The following PCNX3 variants were observed in gnomAD, a reference collection of about 807,000 sequenced individuals.
PCNX3 encodes the protein pecanex-like protein 3.
PCNX3 carries 58 observed loss-of-function variants against 207.2 expected under a neutral mutation model. That is an observed-to-expected ratio of 0.28 (90% CI 0.23 to 0.35). The LOEUF (loss-of-function observed/expected upper bound fraction) is 0.35. PCNX3 is among the 10% of genes least tolerant of loss of function. The pLI is 1.00. For missense variants in PCNX3, 2,410 were observed against 2,774.4 expected, an observed-to-expected ratio of 0.87 and a Z score of 2.95; for synonymous variants, 1,337 against 1,183.5, an observed-to-expected ratio of 1.13 and a Z score of -2.66.
rs376470898 is a variant in PCNX3, at chr11:65,618,910, C to A, written c.1548C>A (p.Pro516=). Residue 516 remains proline (P), a synonymous_variant, in exon 6 of 35, where the codon CCC becomes CCA. Coordinates refer to ENST00000355703, the MANE Select transcript of PCNX3 (RefSeq NM_032223.4). ...MDGAGGDVLR[P]PLAGCKAELE... Reference sequence around the variant, plus strand: ...GGGCTGGGGGTGATGTTCTGAGGCCCCCACTGGCTGGCTGCAAGGCAGAGC... The same window carrying A: ...GGGCTGGGGGTGATGTTCTGAGGCCACCACTGGCTGGCTGCAAGGCAGAGC... 3 of 1,608,848 alleles carry A rather than the reference C, an allele frequency of 1.9e-6. No individual in the cohort carries two copies. The South Asian group carries it at 3.3e-5, about 18-fold the overall frequency.
At position 65,635,858 on chromosome 11, in the gene PCNX3, C is replaced by T. The variant is rs1565174036; in HGVS notation, c.5459+55C>T. On this transcript the variant is annotated intron_variant, in intron 32 of 34. Coordinates refer to ENST00000355703, the MANE Select transcript of PCNX3 (RefSeq NM_032223.4). The surrounding 1 kb of genome is among the most constrained non-coding windows in gnomAD (Gnocchi z 9.9). ...CGCGGGAGGAAGCTGAGGTGCAGTA[C>T]GTCCCTCCTGGGTCTCAGAGGGAGG... 2.9e-5 allele frequency: 44 copies of T among 1,543,178 alleles called. No homozygotes were observed. The South Asian group carries it at 3.1e-4, about 11-fold the overall frequency.
Position 65,616,166 on chromosome 11 carries a change from G to A in PCNX3, c.-146G>A. ...CGCCCCCTGCTCGCACCCTCGCGCG[G>A]CCGAGCCCCCCTCCCCCGCTGGGGG... On this transcript the variant is annotated 5_prime_UTR_variant, in exon 1 of 35. Transcript: ENST00000355703. The A allele has an allele frequency of 1.8e-6, 1 of 544,128 alleles. No homozygotes were observed. Among genetic ancestry groups the A allele is most frequent in the Non-Finnish European group, 2.8e-6 (1 of 355,216 alleles). 33.7% of individuals were successfully genotyped at this position (544,128 alleles called of 1,614,324 possible).
In PCNX3 at chr11:65,636,272, C is replaced by T. The variant is rs1259751348; in HGVS notation, c.5558C>T (p.Pro1853Leu). Residue 1853 changes from proline to leucine, a missense_variant, in exon 33 of 35, where the codon CCC becomes CTC. Around this residue, in one of 8 missense-constraint regions of PCNX3, gnomAD observed 278 missense variants for 245.1 expected, o/e 1.13. Transcript: ENST00000355703. ...GGCCTGACCTCCCTCAGCAATAACC[C>T]CCCCGTGGCACACCCCACACCTGAG... is the stretch of plus-strand genomic sequence containing the variant. ...GGGLTSLSNN[P>L]PVAHPTPENT... is the part of the protein sequence containing the mutation. 1.9e-6 allele frequency: 3 copies of T among 1,601,472 alleles called. No individual in the cohort carries two copies. The highest frequency in any genetic ancestry group is 1.7e-5 in the Admixed American group (1 of 57,848).
intron 11 of PCNX3, among the ~76,000 whole-genome samples, chr11:65,622,804 G>A (rs1855178719): frequency 6.6e-6 from 1 of 151,546 alleles, no homozygotes; most frequent in African/African-American, 2.4e-5. Context: ...GGGTTTCACA[G>A]TGTTAGCCAA....
Position 65,636,750 on chromosome 11 carries a change from C to CT in PCNX3, c.5893-15dup, listed in dbSNP as rs1855863545. 6.5e-7 allele frequency: 1 copy of CT among 1,544,210 alleles called. No individual in the cohort carries two copies. The highest frequency in any genetic ancestry group is 2.0e-5 in the Admixed American group (1 of 49,750). On this transcript the variant is annotated splice_polypyrimidine_tract_variant and intron_variant, in intron 34 of 34. Transcript: ENST00000355703. Reference sequence around the variant, plus strand: ...CTAAGGCCTGCTCACCCGCCAACCTCTCCCCCCTCCCCCAGGCGCCTCTAG... The same window carrying CT: ...CTAAGGCCTGCTCACCCGCCAACCTCTTCCCCCCTCCCCCAGGCGCCTCTAG...
chr11:65,621,943 G>A lies in PCNX3; in HGVS notation c.2236-302G>A, dbSNP rs187668618. 5.3e-5 allele frequency among the ~76,000 whole-genome samples: 8 copies of A among 152,340 alleles called. No individual in the cohort carries two copies. In the East Asian group the frequency reaches 1.5e-3, roughly 29 times the overall value. ...TGGACTTCCTTGAGCTTCAGAAGAG[G>A]TGGGAGAGTTTGCCTGACTGGGGAA... On this transcript the variant is annotated intron_variant, in intron 10 of 34. Transcript: ENST00000355703.
At chr11:65,627,671 C>T in intron 22 of PCNX3, 89 bp downstream of exon 22, 1 of 1,460,558 alleles carries the variant, frequency 6.8e-7, no homozygotes, top group South Asian at 1.2e-5. Context: ...TTCCTGAGGG[C>T]CTGTGGCCAC....
chr11:65,628,288 C>T (rs779779245), intron 22 of PCNX3, among the ~76,000 whole-genome samples: 2 of 152,220 alleles, frequency 1.3e-5, no homozygotes, highest in Admixed American at 6.5e-5. Context: ...AGTCATTTAT[C>T]TTCTCTGTCT....
In PCNX3 at chr11:65,625,174, C is replaced by G; in HGVS notation, c.2923C>G (p.Pro975Ala). 1.2e-6 allele frequency: 2 copies of G among 1,605,764 alleles called. No homozygotes were observed. Among genetic ancestry groups the G allele is most frequent in the Non-Finnish European group, 8.5e-7 (1 of 1,176,892 alleles). The change falls in exon 17 of 35, where the codon CCG becomes GCG. Residue 975 changes from proline (P) to alanine (A), a missense_variant. Transcript: ENST00000355703. The surrounding 1 kb of genome is among the most constrained non-coding windows in gnomAD (Gnocchi z 5.6). Reference protein sequence around the residue: ...YGFCLGAIKTPWPEQHVPVLF... With the variant: ...YGFCLGAIKTAWPEQHVPVLF... ...CCAGCATGGATTCTCTCCGCAGACT[C>G]CGTGGCCAGAGCAGCACGTCCCTGT...
rs1338601494 is a variant in PCNX3, at chr11:65,636,321, G to T, written c.5593+14G>T. On this transcript the variant is annotated intron_variant, in intron 33 of 34. Transcript: ENST00000355703. ...AGAACACGGCAGGTGAGCAGGCGAG[G>T]CTGGGCTGAACCCGTGGGTGAGGAG... is the stretch of plus-strand genomic sequence containing the variant. 8 of 1,611,158 alleles carry T rather than the reference G, an allele frequency of 5.0e-6. No homozygotes were observed. In the Admixed American group the frequency reaches 8.4e-5, roughly 17 times the overall value.
chr11:65,634,465 G>T (rs775797973), intron 28 of PCNX3, 73 bp from the exon 29 acceptor site: 2 of 1,516,744 alleles, frequency 1.3e-6, no homozygotes, highest in East Asian at 2.4e-5. Context: ...CTTAGCCTGA[G>T]CCCCAGCCCC....
chr11:65,635,338 C>T lies in PCNX3; in HGVS notation c.5074C>T (p.Leu1692Phe), dbSNP rs773188441. Reference sequence around the variant, plus strand: ...TGACCCAGCATGGCGCAGCGCCATCCTCAGCAACACGCCCTCCCTGCTGGC... The same window carrying T: ...TGACCCAGCATGGCGCAGCGCCATCTTCAGCAACACGCCCTCCCTGCTGGC... ...EGDPAWRSAI[L>F]SNTPSLLALR... The change falls in exon 31 of 35, where the codon CTC becomes TTC. Residue 1692 changes from leucine to phenylalanine, a missense_variant. Physicochemically the swap from Leu to Phe is conservative, Grantham distance 22. Coordinates refer to ENST00000355703, the MANE Select transcript of PCNX3 (RefSeq NM_032223.4). The surrounding 1 kb of genome is among the most constrained non-coding windows in gnomAD (Gnocchi z 9.9). 6.2e-7 allele frequency: 1 copy of T among 1,609,012 alleles called. No individual in the cohort carries two copies. The highest frequency in any genetic ancestry group is 1.1e-5 in the South Asian group (1 of 90,480).
In PCNX3 at chr11:65,628,612, C is replaced by T. The variant is rs1336691803; in HGVS notation, c.3720C>T (p.Tyr1240=). ...LLCSKLWDLL[Y]KLRFVLTYIA... is the part of the protein sequence containing the mutation. ...CCTGCCAGCTGTGGGACTTGCTGTA[C>T]AAGCTGCGTTTCGTGCTGACCTACA... The change falls in exon 23 of 35, where the codon TAC becomes TAT. Residue 1240 remains tyrosine, a synonymous_variant. Coordinates refer to ENST00000355703, the MANE Select transcript of PCNX3 (RefSeq NM_032223.4). 1 of 1,613,570 alleles carries T rather than the reference C, an allele frequency of 6.2e-7. No homozygotes were observed. The highest frequency in any genetic ancestry group is 1.7e-5 in the Admixed American group (1 of 60,022).
At position 65,634,141 on chromosome 11, in the gene PCNX3, G is replaced by C; in HGVS notation, c.4486G>C (p.Val1496Leu). ...CCTCTCCCAGAGCATCATCTACTAC[G>C]TGAGCCGCTCACCAAAGCTGGAGGT... ...TYYVKSIIYYVSRSPKLEVWL... is the reference protein window; with the variant it reads ...TYYVKSIIYYLSRSPKLEVWL... The change falls in exon 28 of 35, where the codon GTG becomes CTG. Residue 1496 changes from valine to leucine, a missense_variant. Val to Leu is a conservative substitution (Grantham distance 32, BLOSUM62 1). This residue lies in a region of PCNX3 where 420 missense variants were observed against 705.3 expected (regional missense o/e 0.60). Coordinates refer to ENST00000355703, the MANE Select transcript of PCNX3 (RefSeq NM_032223.4). 1.2e-6 allele frequency: 2 copies of C among 1,612,284 alleles called. No individual in the cohort carries two copies. The highest frequency in any genetic ancestry group is 2.2e-5 in the East Asian group (1 of 44,868).
In PCNX3 at chr11:65,616,284, G is replaced by C. The variant is rs58950470; in HGVS notation, c.-28G>C. 4,131 of 1,533,518 alleles carry C rather than the reference G, an allele frequency of 2.7e-3. 3 individuals are homozygous for C. Among genetic ancestry groups the C allele is most frequent in the Non-Finnish European group, 3.4e-3 (3,878 of 1,146,608 alleles). 95.0% of individuals were successfully genotyped at this position (1,533,518 alleles called of 1,614,324 possible). A position where few individuals can be genotyped will look rare whatever the true frequency, so the allele number is the denominator to read the frequency against. ...GCCGCCCCCATGAGGGTCCCGGGAGGGGGGGCGCGGGCAGCAGCGGCGGGG... is the reference window on the plus strand; with the variant it reads ...GCCGCCCCCATGAGGGTCCCGGGAGCGGGGGCGCGGGCAGCAGCGGCGGGG... On this transcript the variant is annotated 5_prime_UTR_variant, in exon 1 of 35. Coordinates refer to ENST00000355703, the MANE Select transcript of PCNX3 (RefSeq NM_032223.4).
At chr11:65,634,935 C>A in intron 29 of PCNX3, 38 bp from the exon 30 acceptor site, 1 of 1,591,786 alleles carries the variant, frequency 6.3e-7, no homozygotes, top group Non-Finnish European at 8.6e-7. Flanking sequence ...GGGTCCTCGA[C>A]ACCCCTCTCT....
chr11:65,618,820 T>C lies in PCNX3; in HGVS notation c.1458T>C (p.Tyr486=), dbSNP rs748622305. ...CTGCTGTGCCCCCCAAGCGGCCATA[T>C]GGGACCCAGCGGACGCCTAGTACCG... ...EGTAVPPKRP[Y]GTQRTPSTAS... Residue 486 remains tyrosine (Y), a synonymous_variant, in exon 6 of 35, where the codon TAT becomes TAC. Transcript: ENST00000355703. The C allele has an allele frequency of 2.5e-6, 4 of 1,611,632 alleles. No homozygotes were observed. The highest frequency in any genetic ancestry group is 1.1e-5 in the South Asian group (1 of 90,984).
In PCNX3 at chr11:65,635,407, A is replaced by G; in HGVS notation, c.5143A>G (p.Ile1715Val). Residue 1715 changes from isoleucine (I) to valine (V), a missense_variant, in exon 31 of 35, where the codon ATC (isoleucine) becomes GTC (valine). Ile to Val is a conservative substitution (Grantham distance 29). Around this residue, in one of 8 missense-constraint regions of PCNX3, gnomAD observed 420 missense variants for 705.3 expected, o/e 0.60. Coordinates refer to ENST00000355703, the MANE Select transcript of PCNX3 (RefSeq NM_032223.4). The surrounding 1 kb of genome is among the most constrained non-coding windows in gnomAD (Gnocchi z 9.9). ...TGATGCCTCCGACGAGTACAAGATC[A>G]TCATGCTCAACCGGCGCCACCTCAG... ...LDDASDEYKI[I>V]MLNRRHLSFR... 2 of 1,612,158 alleles carry G rather than the reference A, an allele frequency of 1.2e-6. No individual in the cohort carries two copies. The highest frequency in any genetic ancestry group is 2.2e-5 in the East Asian group (1 of 44,860).
rs985139607 is a variant in PCNX3, at chr11:65,634,032, C to G, written c.4471-94C>G. On this transcript the variant is annotated intron_variant, in intron 27 of 34. Transcript: ENST00000355703. ...GGGCATCCCAGAAAGCGGACTTCAG[C>G]TCAGTCTTGGGGAGGAGCCTCTGAA... is the stretch of plus-strand genomic sequence containing the variant. The G allele has an allele frequency of 3.4e-6, 4 of 1,179,740 alleles. No individual in the cohort carries two copies. In the African/African-American group the frequency reaches 6.1e-5, roughly 18 times the overall value. 73.1% of individuals were successfully genotyped at this position (1,179,740 alleles called of 1,614,324 possible).
Sources: allele counts gnomAD v4.1 joint callset (sites outside exome capture counted in the v4.1 genomes callset), GRCh38; gene constraint gnomAD v4.1.1; regional missense constraint gnomAD v4.1.1; non-coding constraint Gnocchi (gnomAD v3.1); transcripts MANE v1.5; gene names NCBI Gene and HGNC (gene_info 2026-07-23, HGNC 2026-07-21).